The following PALLD variants were observed in gnomAD, a reference collection of about 807,000 sequenced individuals.
PALLD encodes palladin, cytoskeletal associated protein.
In PALLD, 61 loss-of-function variants were observed where a neutral mutation model predicts 123.5. The observed-to-expected ratio is 0.49, with a 90% CI of 0.40 to 0.61. The LOEUF is 0.61. Among genes scored for constraint, PALLD ranks in the 20% least tolerant of loss-of-function variants. The pLI, the probability that PALLD is intolerant of heterozygous loss-of-function variation, is 0.00. For missense variants in PALLD, 1,273 were observed against 1,377.0 expected (o/e 0.92, Z 1.20); for synonymous variants, 465 against 496.4 (o/e 0.94, Z 0.84).
chr4:168,921,806 A>G, intron 18 of PALLD, 65 bp downstream of exon 18: 1 of 1,229,412 alleles, frequency 8.1e-7, no homozygotes, highest in Non-Finnish European at 1.2e-6. Context: ...ATGTAAACTA[A>G]TTCTACATTA....
chr4:168,922,569 C>G (rs1167448804), intron 18 of PALLD, among the ~76,000 whole-genome samples: 1 of 152,074 alleles, frequency 6.6e-6, no homozygotes, highest in Non-Finnish European at 1.5e-5. Flanking sequence ...TGAGCTCTTT[C>G]AAGAAATAGA....
chr4:168,904,908 C>G (rs1757309506), intron 15 of PALLD, among the ~76,000 whole-genome samples: 1 of 151,998 alleles, frequency 6.6e-6, no homozygotes. Context: ...AGGTGGATTG[C>G]CTCAGCCCCG....
At chr4:168,537,286 T>C (rs190629854) in intron 2 of PALLD, among the ~76,000 whole-genome samples, 39 of 152,344 alleles carry the variant, frequency 2.6e-4, no homozygotes, top group Non-Finnish European at 5.6e-4. Flanking sequence ...CCCTTTCAAG[T>C]GCAAACTGTG....
chr4:168,712,191 A>G lies in PALLD; in HGVS notation c.1964+268A>G, dbSNP rs112378520. 1.5e-3 allele frequency: 823 copies of G among 542,408 alleles called. 10 individuals are homozygous for G. The East Asian group carries it at 0.017, about 11-fold the overall frequency. 33.6% of individuals were successfully genotyped at this position (542,408 alleles called of 1,614,324 possible). A position where few individuals can be genotyped will look rare whatever the true frequency, so the allele number is the denominator to read the frequency against. On this transcript the variant is annotated intron_variant, in intron 10 of 21. Transcript: ENST00000505667. ...TCTGTGCCCAGTGTGGGCTTCCAAC[A>G]TACAGCTAAGGATGTAGCCACTCCC...
In PALLD at chr4:168,896,607, T is replaced by C; in HGVS notation, c.2250+8T>C. On this transcript the variant is annotated splice_region_variant and intron_variant, in intron 13 of 21. Transcript: ENST00000505667. ...CCTCTGGATGGTCAAAAGGTTAAGC[T>C]TTTCACCTTTCTTCTCCTTCCAGTC... 1 of 1,468,322 alleles carries C rather than the reference T, an allele frequency of 6.8e-7. No individual in the cohort carries two copies. The highest frequency in any genetic ancestry group is 9.2e-7 in the Non-Finnish European group (1 of 1,085,292). The allele number at this position is 1,468,322 out of a possible 1,614,324, so 91.0% of individuals were successfully genotyped here.
intron 2 of PALLD, among the ~76,000 whole-genome samples, chr4:168,630,845 GGCAAATAGCTA>G (rs1775732757): frequency 6.6e-6 from 1 of 152,144 alleles, no homozygotes; most frequent in Non-Finnish European, 1.5e-5. Context: ...CTTTAGAGTT[GGCAAATAGCTA>G]GGTCTTTATT....
At chr4:168,609,768 G>A (rs2149759424) in intron 2 of PALLD, among the ~76,000 whole-genome samples, 1 of 152,294 alleles carries the variant, frequency 6.6e-6, no homozygotes, top group South Asian at 2.1e-4. Context: ...TGAATCTGAG[G>A]TTTCTATGTG....
intron 2 of PALLD, among the ~76,000 whole-genome samples, chr4:168,611,902 G>A (rs909799597): frequency 3.9e-5 from 6 of 152,190 alleles, no homozygotes; most frequent in African/African-American, 1.4e-4. Flanking sequence ...GCTCATGCCT[G>A]TAATCCCAAC....
chr4:168,792,077 A>G (rs1472108612), intron 10 of PALLD, among the ~76,000 whole-genome samples: 2 of 152,176 alleles, frequency 1.3e-5, no homozygotes, highest in African/African-American at 2.4e-5. Context: ...AAGAATGCAC[A>G]TATGTACATA....
intron 2 of PALLD, among the ~76,000 whole-genome samples, chr4:168,665,184 A>C (rs1194955639): frequency 6.6e-6 from 1 of 152,170 alleles, no homozygotes; most frequent in Non-Finnish European, 1.5e-5. Context: ...CTTTAAATGT[A>C]TTGATGGATT....
At chr4:168,561,245 C>T (rs10518011) in intron 2 of PALLD, among the ~76,000 whole-genome samples, 15,256 of 151,908 alleles carry the variant, frequency 0.1, 788 homozygotes, top group Middle Eastern at 0.15. Flanking sequence ...AATAAGCAGA[C>T]GACCAATTTT....
Position 168,711,936 on chromosome 4 carries a change from G to A in PALLD, c.1964+13G>A, listed in dbSNP as rs1210196547. On this transcript the variant is annotated intron_variant, in intron 10 of 21. Transcript: ENST00000505667. ...CCAAACCAAAACTGTGAGTATTTCT[G>A]CATGGTTTTATAATAATTTCCATAC... 6.2e-7 allele frequency: 1 copy of A among 1,600,512 alleles called. No homozygotes were observed. Among genetic ancestry groups the A allele is most frequent in the African/African-American group, 1.3e-5 (1 of 74,776 alleles).
At chr4:168,553,886 G>A (rs1315413725) in intron 2 of PALLD, among the ~76,000 whole-genome samples, 1 of 152,072 alleles carries the variant, frequency 6.6e-6, no homozygotes, top group African/African-American at 2.4e-5. Context: ...GTAGGGTAGG[G>A]GCATCATGTT....
chr4:168,867,088 C>T (rs75302921), intron 10 of PALLD, among the ~76,000 whole-genome samples: 2,955 of 152,312 alleles, frequency 0.019, 103 homozygotes, highest in African/African-American at 0.067. Context: ...TTCTTTCCAG[C>T]TGCATAATCT....
chr4:168,527,434 A>AAAAAAAAAAAAAAAAAAAAAAAAAAAAAC (rs1764172301), intron 2 of PALLD, among the ~76,000 whole-genome samples: 1 of 150,278 alleles, frequency 6.7e-6, no homozygotes, highest in African/African-American at 2.5e-5. Flanking sequence ...AAAAAAAAAA[A>AAAAAAAAAAAAAAAAAAAAAAAAAAAAAC]AAAAAAAAAA....
intron 2 of PALLD, among the ~76,000 whole-genome samples, chr4:168,625,661 A>AGAT (rs1440991164): frequency 9.2e-5 from 14 of 152,012 alleles, no homozygotes; most frequent in African/African-American, 3.4e-4. Context: ...GCATATGGAA[A>AGAT]GATGCTAAAC....
intron 10 of PALLD, among the ~76,000 whole-genome samples, chr4:168,881,483 C>T (rs1309158551): frequency 6.7e-6 from 1 of 148,938 alleles, no homozygotes; most frequent in Non-Finnish European, 1.5e-5. Context: ...GTTCCCCAGA[C>T]CGCAGTCAAC....
At chr4:168,715,822 T>C (rs1445634049) in intron 10 of PALLD, among the ~76,000 whole-genome samples, 1 of 152,022 alleles carries the variant, frequency 6.6e-6, no homozygotes, top group African/African-American at 2.4e-5. Context: ...TGGTGGCAGG[T>C]GCCTGTAGTC....
chr4:168,799,292 A>C (rs1404013222), intron 10 of PALLD, among the ~76,000 whole-genome samples: 1 of 152,204 alleles, frequency 6.6e-6, no homozygotes, highest in African/African-American at 2.4e-5. Context: ...GGACTCAAAT[A>C]CAGAAGTATA....
Sources: gnomAD v4.1 joint callset for allele counts (sites outside exome capture counted in the v4.1 genomes callset) on GRCh38, gnomAD v4.1.1 for gene constraint, MANE v1.5 for transcripts, NCBI Gene and HGNC (gene_info 2026-07-23, HGNC 2026-07-21) for gene names.